Variants in CDH4 observed in about 807,000 individuals in gnomAD.
CDH4 encodes the protein cadherin 4, also known as cadherin-4.
Under a neutral mutation model 86.0 loss-of-function variants are expected in CDH4, and 33 were observed. The ratio of observed to expected loss-of-function variants is 0.38; its 90% CI spans 0.29 to 0.51. The LOEUF is 0.51. Ranked by LOEUF, CDH4 falls within the 20% of genes least tolerant of loss-of-function variation. CDH4 has a pLI of 0.86. For synonymous variants in CDH4, 555 were observed against 549.4 expected (o/e 1.01, Z -0.14); for missense variants, 1,114 against 1,307.4 (o/e 0.85, Z 2.28).
At chr20:61,431,631 A>G (rs1209417281) in intron 2 of CDH4, among the ~76,000 whole-genome samples, 1 of 152,070 alleles carries the variant, frequency 6.6e-6, no homozygotes. Flanking sequence ...AAATGTTGGG[A>G]CTATAGGAGT....
rs1223551751 is a variant in CDH4 at position 61,544,710 on chromosome 20, G to A, written c.170-198853G>A. Among the ~76,000 whole-genome samples, 1 of 152,066 alleles carries A rather than the reference G, an allele frequency of 6.6e-6. No individual in the cohort carries two copies. The highest frequency in any genetic ancestry group is 1.5e-5 in the Non-Finnish European group (1 of 68,022). ...CTGCCTTCTGCCACAGTTGCAGTTT[G>A]GGATAATTTTGGTGGAGAAAGTTGT... is the stretch of plus-strand genomic sequence containing the variant. On this transcript the variant is annotated intron_variant, in intron 2 of 15. Coordinates refer to ENST00000614565, the MANE Select transcript of CDH4 (RefSeq NM_001794.5). This position sits in a 1 kb window ranked among gnomAD's most constrained non-coding sequence, Gnocchi z 6.5.
chr20:61,255,066 G>C lies in CDH4; in HGVS notation c.169+129G>C, dbSNP rs557130503. The C allele has an allele frequency of 4.7e-5, 31 of 664,000 alleles. No homozygotes were observed. The East Asian group carries it at 7.7e-4, about 17-fold the overall frequency. 41.1% of individuals were successfully genotyped at this position (664,000 alleles called of 1,614,324 possible). A position where few individuals can be genotyped will look rare whatever the true frequency, so the allele number is the denominator to read the frequency against. ...GTGAAATGATGGTGGTGAAGTCCAC[G>C]AGGTGCAAATTGGTTGACCTGAAAG... On this transcript the variant is annotated intron_variant, in intron 2 of 15. Coordinates refer to ENST00000614565, the MANE Select transcript of CDH4 (RefSeq NM_001794.5).
At chr20:61,378,252 G>A (rs1349072859) in intron 2 of CDH4, among the ~76,000 whole-genome samples, 1 of 152,096 alleles carries the variant, frequency 6.6e-6, no homozygotes, top group Non-Finnish European at 1.5e-5. Context: ...AAAACTCTCT[G>A]TTAAAAGAAA....
At chr20:61,490,905 G>A (rs558423772) in intron 2 of CDH4, among the ~76,000 whole-genome samples, 3 of 152,252 alleles carry the variant, frequency 2.0e-5, no homozygotes, top group African/African-American at 7.2e-5. Flanking sequence ...TGATAAGGAT[G>A]GTTGAGTGTA....
In CDH4 at chr20:61,521,535, G is replaced by C. The variant is rs73917938; in HGVS notation, c.170-222028G>C. Among the ~76,000 whole-genome samples the C allele has an allele frequency of 2.5e-3, 383 of 152,290 alleles. 3 individuals carry two copies. Among genetic ancestry groups the C allele is most frequent in the African/African-American group, 8.5e-3 (352 of 41,554 alleles). On this transcript the variant is annotated intron_variant, in intron 2 of 15. Coordinates refer to ENST00000614565, the MANE Select transcript of CDH4 (RefSeq NM_001794.5). The stretch of plus-strand genomic sequence containing the variant: ...CAGGCTTCACTCACTCACTCTCCAG[G>C]GGGCCGCCAAGAAAACCAGTGGTGC...
chr20:61,604,034 G>A (rs73304657), intron 2 of CDH4, among the ~76,000 whole-genome samples: 1,982 of 152,150 alleles, frequency 0.013, 45 homozygotes, highest in African/African-American at 0.044. Context: ...GGGAACTACC[G>A]CAATCCCCGT....
At position 61,501,288 on chromosome 20, in the gene CDH4, T is replaced by C. The variant is rs945260320; in HGVS notation, c.170-242275T>C. On this transcript the variant is annotated intron_variant, in intron 2 of 15. Coordinates refer to ENST00000614565, the MANE Select transcript of CDH4 (RefSeq NM_001794.5). This position sits in a 1 kb window ranked among gnomAD's most constrained non-coding sequence, Gnocchi z 4.2. ...CCTTGAAGCCTGCAGCCTGCGATAA[T>C]ACAGCTAATACATTATTGCCTCTGG... is the stretch of plus-strand genomic sequence containing the variant. 6.6e-6 allele frequency among the ~76,000 whole-genome samples: 1 copy of C among 152,202 alleles called. No homozygotes were observed. Among genetic ancestry groups the C allele is most frequent in the Non-Finnish European group, 1.5e-5 (1 of 68,032 alleles).
chr20:61,830,930 GAAATTGAAA>G (rs1981576455), intron 4 of CDH4, among the ~76,000 whole-genome samples: 1 of 152,224 alleles, frequency 6.6e-6, no homozygotes, highest in Non-Finnish European at 1.5e-5. Context: ...CTGCAGTTAG[GAAATTGAAA>G]TGTCAGTCGG....
chr20:61,404,084 A>T (rs1473667845), intron 2 of CDH4, among the ~76,000 whole-genome samples: 2 of 152,168 alleles, frequency 1.3e-5, no homozygotes, highest in Admixed American at 6.5e-5. Flanking sequence ...GACTCCCAGG[A>T]GCTGGGCACT....
intron 2 of CDH4, among the ~76,000 whole-genome samples, chr20:61,383,659 TTA>T (rs1356131091): frequency 6.7e-5 from 1 of 14,948 alleles, no homozygotes; most frequent in African/African-American, 1.5e-4. Context: ...AATGTATATA[TTA>T]TATATGATAT....
chr20:61,803,048 G>T (rs545548139), intron 4 of CDH4, among the ~76,000 whole-genome samples: 1 of 152,208 alleles, frequency 6.6e-6, no homozygotes, highest in African/African-American at 2.4e-5. Flanking sequence ...TCTGGACAGC[G>T]CTCCCCTCCT....
chr20:61,384,066 T>C (rs1445634692), intron 2 of CDH4, among the ~76,000 whole-genome samples: 4 of 152,040 alleles, frequency 2.6e-5, no homozygotes, highest in South Asian at 2.1e-4. Flanking sequence ...GCTAGGCCAG[T>C]CTCTCTCTTC....
chr20:61,320,884 A>C (rs2084504367), intron 2 of CDH4, among the ~76,000 whole-genome samples: 1 of 151,892 alleles, frequency 6.6e-6, no homozygotes, highest in African/African-American at 2.4e-5. Context: ...GCGTGAAGAC[A>C]GTATGTGGGC....
In CDH4 at chr20:61,516,233, C is replaced by G. The variant is rs568200583; in HGVS notation, c.170-227330C>G. The stretch of plus-strand genomic sequence containing the variant: ...GCAGGTGTCCGCCCTGGGGACTAAG[C>G]AAAACAGGGACAGAGCCACCGGCCC... On this transcript the variant is annotated intron_variant, in intron 2 of 15. Coordinates refer to ENST00000614565, the MANE Select transcript of CDH4 (RefSeq NM_001794.5). The surrounding 1 kb of genome is among the most constrained non-coding windows in gnomAD (Gnocchi z 4.0). Among the ~76,000 whole-genome samples the G allele has an allele frequency of 2.0e-5, 3 of 152,266 alleles. No homozygotes were observed. The East Asian group carries it at 5.8e-4, about 29-fold the overall frequency.
intron 2 of CDH4, among the ~76,000 whole-genome samples, chr20:61,382,084 A>C (rs1371125228): frequency 1.1e-5 from 1 of 93,242 alleles, no homozygotes; most frequent in Non-Finnish European, 1.9e-5. Context: ...CTCAAAAATA[A>C]AAATAAAAAT....
intron 9 of CDH4, among the ~76,000 whole-genome samples, chr20:61,920,320 T>TATC (rs1293054426): frequency 1.6e-4 from 18 of 109,472 alleles, no homozygotes; most frequent in Non-Finnish European, 2.9e-4. Flanking sequence ...GGAAGCGTGG[T>TATC]GTGATTGTGT....
At position 61,910,554 on chromosome 20, in the gene CDH4, T is replaced by A; in HGVS notation, c.1321T>A (p.Phe441Ile). The A allele has an allele frequency of 6.2e-7, 1 of 1,613,958 alleles. No individual in the cohort carries two copies. The highest frequency in any genetic ancestry group is 8.5e-7 in the Non-Finnish European group (1 of 1,180,022). The part of the protein sequence containing the change: ...RIISGDPSGH[F>I]SVRTDPVTNE... ...CATCAGTGGGGATCCATCCGGGCAC[T>A]TCAGCGTCCGCACAGACCCCGTAAC... Residue 441 changes from phenylalanine to isoleucine, a missense_variant, in exon 9 of 16, where the codon TTC (phenylalanine) becomes ATC (isoleucine). This residue lies in a region of CDH4 where 705 missense variants were observed against 914.1 expected (regional missense o/e 0.77). Transcript: ENST00000614565.
At chr20:61,626,237 G>A (rs1055133741) in intron 2 of CDH4, among the ~76,000 whole-genome samples, 3 of 152,182 alleles carry the variant, frequency 2.0e-5, no homozygotes, top group Non-Finnish European at 4.4e-5. Context: ...GCAGGCCAAG[G>A]GGTGGGGGTC....
intron 2 of CDH4, among the ~76,000 whole-genome samples, chr20:61,742,230 C>A (rs886303990): frequency 2.0e-5 from 3 of 152,106 alleles, no homozygotes; most frequent in African/African-American, 7.2e-5. Flanking sequence ...GAGGAGCCAC[C>A]GGGGGGCTCT....
Sources: allele counts gnomAD v4.1 joint callset (sites outside exome capture counted in the v4.1 genomes callset), GRCh38; gene constraint gnomAD v4.1.1; regional missense constraint gnomAD v4.1.1; non-coding constraint Gnocchi (gnomAD v3.1); transcripts MANE v1.5; gene names NCBI Gene and HGNC (gene_info 2026-07-23, HGNC 2026-07-21).